Variants in SHISA6 observed in about 807,000 individuals in gnomAD.
SHISA6 encodes shisa family member 6, also known as protein shisa-6.
SHISA6 carries 22 observed loss-of-function variants against 47.9 expected under a neutral mutation model. That is an observed-to-expected ratio of 0.46 (90% CI 0.33 to 0.66). The LOEUF (loss-of-function observed/expected upper bound fraction) is 0.66, where lower values mean the gene tolerates loss of function less well. Among genes scored for constraint, SHISA6 ranks in the 30% least tolerant of loss-of-function variants. SHISA6 has a pLI of 0.02. For synonymous variants in SHISA6, 388 were observed against 337.8 expected (o/e 1.15, Z -1.63); for missense variants, 680 against 764.6 (o/e 0.89, Z 1.30).
rs145470572 is a variant in SHISA6 at position 11,264,726 on chromosome 17, T to C, written c.799+1200T>C. ...AGTGGGTGTGATCAAATCCAAACTA[T>C]AGCAAAGGTGCTGATGAGACCAAAT... On this transcript the variant is annotated intron_variant, in intron 2 of 5. Coordinates refer to ENST00000441885, the MANE Select transcript of SHISA6 (RefSeq NM_207386.4). Among the ~76,000 whole-genome samples, 233 of 152,338 alleles carry C rather than the reference T, an allele frequency of 1.5e-3. 1 individual carries two copies. The highest frequency in any genetic ancestry group is 5.2e-3 in the African/African-American group (217 of 41,576).
chr17:11,262,985 C>A (rs1908288701), intron 1 of SHISA6, among the ~76,000 whole-genome samples: 1 of 152,176 alleles, frequency 6.6e-6, no homozygotes, highest in South Asian at 2.1e-4. Flanking sequence ...TAGTGACCTG[C>A]TGCTGAATTT....
At chr17:11,398,454 T>G (rs1462724412) in intron 3 of SHISA6, among the ~76,000 whole-genome samples, 1 of 152,132 alleles carries the variant, frequency 6.6e-6, no homozygotes, top group Non-Finnish European at 1.5e-5. Context: ...TCTTTCCCTA[T>G]TTTACTTTCT....
intron 2 of SHISA6, among the ~76,000 whole-genome samples, chr17:11,279,849 C>T (rs74515281): frequency 1.3e-5 from 2 of 151,704 alleles, no homozygotes; most frequent in Non-Finnish European, 2.9e-5. Flanking sequence ...AGGAAATGAC[C>T]TGCATTTTCA....
At chr17:11,317,295 A>G (rs1369044721) in intron 2 of SHISA6, among the ~76,000 whole-genome samples, 3 of 151,970 alleles carry the variant, frequency 2.0e-5, no homozygotes, top group African/African-American at 4.8e-5. Flanking sequence ...TGTTCAAAAA[A>G]ATTTATGATT....
At chr17:11,389,346 C>T (rs549008712) in intron 3 of SHISA6, among the ~76,000 whole-genome samples, 4 of 152,262 alleles carry the variant, frequency 2.6e-5, no homozygotes, top group South Asian at 4.1e-4. Context: ...TGCTTGCTTG[C>T]GGAAGTTTCA....
intron 2 of SHISA6, among the ~76,000 whole-genome samples, chr17:11,303,041 C>T (rs904167350): frequency 2.0e-5 from 3 of 152,048 alleles, no homozygotes; most frequent in South Asian, 2.1e-4. Flanking sequence ...AGTGTGATGA[C>T]GCCCCCAACC....
chr17:11,280,281 G>A (rs1360909548), intron 2 of SHISA6, among the ~76,000 whole-genome samples: 1 of 152,142 alleles, frequency 6.6e-6, no homozygotes, highest in Non-Finnish European at 1.5e-5. Context: ...CAAATGATGG[G>A]ATTCTCTGCC....
intron 3 of SHISA6, among the ~76,000 whole-genome samples, chr17:11,414,139 C>T (rs141076504): frequency 6.6e-6 from 1 of 151,784 alleles, no homozygotes. Flanking sequence ...TCCTCCTTAT[C>T]CCTTCCTCAT....
Position 11,299,768 on chromosome 17 carries a change from G to C in SHISA6, c.799+36242G>C, listed in dbSNP as rs571298456. ...GTCCACTTATAAGGATCCCGTGTGGGCCTACCCACACAATCCAGGGTGGTC... is the reference window on the plus strand; with the variant it reads ...GTCCACTTATAAGGATCCCGTGTGGCCCTACCCACACAATCCAGGGTGGTC... On this transcript the variant is annotated intron_variant, in intron 2 of 5. Coordinates refer to ENST00000441885, the MANE Select transcript of SHISA6 (RefSeq NM_207386.4). Among the ~76,000 whole-genome samples the C allele has an allele frequency of 4.6e-5, 7 of 152,204 alleles. No homozygotes were observed. In the East Asian group the frequency reaches 1.4e-3, roughly 29 times the overall value.
chr17:11,332,831 A>G (rs928935252), intron 2 of SHISA6, among the ~76,000 whole-genome samples: 2 of 152,106 alleles, frequency 1.3e-5, no homozygotes, highest in African/African-American at 2.4e-5. Context: ...TGACAGAGCA[A>G]CCCGTCATGT....
At position 11,276,319 on chromosome 17, in the gene SHISA6, G is replaced by C. The variant is rs1183934519; in HGVS notation, c.799+12793G>C. Among the ~76,000 whole-genome samples, 3 of 152,048 alleles carry C rather than the reference G, an allele frequency of 2.0e-5. 1 individual carries two copies. Among genetic ancestry groups the C allele is most frequent in the African/African-American group, 7.2e-5 (3 of 41,390 alleles). On this transcript the variant is annotated intron_variant, in intron 2 of 5. Transcript: ENST00000441885. ...GGGGCAAAGGTGGCGGAGGGGAGGTGGCCTAGGAAGTGGAAACTATTGCAT... is the reference window on the plus strand; with the variant it reads ...GGGGCAAAGGTGGCGGAGGGGAGGTCGCCTAGGAAGTGGAAACTATTGCAT...
At position 11,251,001 on chromosome 17, in the gene SHISA6, T is replaced by G. The variant is rs567107230; in HGVS notation, c.638+8941T>G. On this transcript the variant is annotated intron_variant, in intron 1 of 5. Transcript: ENST00000441885. ...CGCTGCATCCTCCCATCATCCCGTC[T>G]GAGTGTAGGGGCCCATGTTGTAGAT... is the stretch of plus-strand genomic sequence containing the variant. 1.1e-3 allele frequency among the ~76,000 whole-genome samples: 162 copies of G among 152,216 alleles called. 1 individual carries two copies. Among genetic ancestry groups the G allele is most frequent in the African/African-American group, 3.9e-3 (160 of 41,538 alleles).
intron 2 of SHISA6, among the ~76,000 whole-genome samples, chr17:11,313,859 GAGA>G (rs1168343108): frequency 6.6e-6 from 1 of 152,188 alleles, no homozygotes; most frequent in Non-Finnish European, 1.5e-5. Context: ...GAGAGAGAGA[GAGA>G]AGGACCAGGG....
At chr17:11,533,816 T>C (rs989731456) in intron 3 of SHISA6, among the ~76,000 whole-genome samples, 3 of 151,830 alleles carry the variant, frequency 2.0e-5, no homozygotes, top group Non-Finnish European at 4.4e-5. Context: ...ATGATCTCGA[T>C]CTACTGACCT....
intron 4 of SHISA6, among the ~76,000 whole-genome samples, chr17:11,553,693 C>T (rs2071950162): frequency 6.6e-6 from 1 of 152,062 alleles, no homozygotes; most frequent in Admixed American, 6.6e-5. Context: ...TATTCTGGGC[C>T]AAGCACTATG....
intron 3 of SHISA6, among the ~76,000 whole-genome samples, chr17:11,517,124 T>G (rs2071592272): frequency 6.6e-6 from 1 of 152,180 alleles, no homozygotes; most frequent in African/African-American, 2.4e-5. Flanking sequence ...CAGGTCTCAG[T>G]CAATTTAGAA....
At chr17:11,538,411 GAGA>G (rs1310932640) in intron 3 of SHISA6, among the ~76,000 whole-genome samples, 5 of 152,126 alleles carry the variant, frequency 3.3e-5, no homozygotes, top group Admixed American at 1.3e-4. Context: ...AAGTGAGAAG[GAGA>G]AGAACAATCA....
At chr17:11,551,736 G>A (rs560678179) in intron 3 of SHISA6, among the ~76,000 whole-genome samples, 160 bp from the exon 4 acceptor site, 1 of 152,244 alleles carries the variant, frequency 6.6e-6, no homozygotes, top group East Asian at 1.9e-4. Flanking sequence ...AAACAGCAGG[G>A]GACGTTTCTT....
chr17:11,251,287 T>C (rs959236339), intron 1 of SHISA6, among the ~76,000 whole-genome samples: 1 of 151,938 alleles, frequency 6.6e-6, no homozygotes, highest in African/African-American at 2.4e-5. Flanking sequence ...CGGCCCCCAT[T>C]TAGATTGCAT....
Sources: allele counts gnomAD v4.1 joint callset (sites outside exome capture counted in the v4.1 genomes callset), GRCh38; gene constraint gnomAD v4.1.1; transcripts MANE v1.5; gene names NCBI Gene and HGNC (gene_info 2026-07-23, HGNC 2026-07-21).